CPSF2: variants seen among roughly 807,000 people sequenced by gnomAD.
CPSF2 encodes the protein cleavage and polyadenylation specificity factor subunit 2.
CPSF2 carries 51 observed loss-of-function variants against 84.2 expected under a neutral mutation model. That is an observed-to-expected ratio of 0.61 (90% CI 0.48 to 0.77). The LOEUF is 0.77. CPSF2 is among the 30% of genes least tolerant of loss of function. The pLI, the probability that CPSF2 is intolerant of heterozygous loss-of-function variation, is 0.00. For synonymous variants in CPSF2, 286 were observed against 311.9 expected (o/e 0.92, Z 0.87); for missense variants, 641 against 929.4 (o/e 0.69, Z 4.03).
intron 7 of CPSF2, among the ~76,000 whole-genome samples, chr14:92,140,703 A>AT (rs34400706): frequency 0.16 from 24,741 of 151,788 alleles, 2,257 homozygotes; most frequent in East Asian, 0.4. Flanking sequence ...AAGTGCTGGG[A>AT]TTATAGGTGT....
At position 92,156,529 on chromosome 14, in the gene CPSF2, GC is replaced by G; in HGVS notation, c.1494del (p.Ser498ArgfsTer3). ...CTTCAAGCTACTGAAGAAGAAAAAA[GC>G]AAATTAGAATCTGGTTTGACAAATG... is the stretch of plus-strand genomic sequence containing the variant. ...PELQATEEEK[S>X]KLESGLTNGD... is the part of the protein sequence containing the mutation. On this transcript the variant is annotated frameshift_variant, in exon 12 of 16. Transcript: ENST00000298875. LOFTEE classifies it high-confidence loss of function. 6.2e-7 allele frequency: 1 copy of G among 1,613,148 alleles called. No individual in the cohort carries two copies. Among genetic ancestry groups the G allele is most frequent in the Non-Finnish European group, 8.5e-7 (1 of 1,179,604 alleles).
chr14:92,130,086 T>G (rs1007173074), intron 2 of CPSF2, among the ~76,000 whole-genome samples: 1 of 152,224 alleles, frequency 6.6e-6, no homozygotes, highest in Non-Finnish European at 1.5e-5. Flanking sequence ...GAAATATATG[T>G]AGTAGGCATC....
rs926463842 is a variant in CPSF2 at position 92,172,005 on chromosome 14, G to C, written c.*10261G>C. The C allele has an allele frequency of 6.6e-6, 1 of 151,972 alleles. No individual in the cohort carries two copies. Among genetic ancestry groups the C allele is most frequent in the African/African-American group, 2.4e-5 (1 of 41,344 alleles). 9.4% of individuals were successfully genotyped at this position (151,972 alleles called of 1,614,324 possible). A position where few individuals can be genotyped will look rare whatever the true frequency, so the allele number is the denominator to read the frequency against. ...AGGACCAAGTTTCCTCCCTTTCCTCGATCCATGACAGCACCTGCCAGTTGA... is the reference window on the plus strand; with the variant it reads ...AGGACCAAGTTTCCTCCCTTTCCTCCATCCATGACAGCACCTGCCAGTTGA... On this transcript the variant is annotated 3_prime_UTR_variant, in exon 16 of 16. Coordinates refer to ENST00000298875, the MANE Select transcript of CPSF2 (RefSeq NM_017437.3).
At chr14:92,143,329 G>C in intron 9 of CPSF2, 35 bp downstream of exon 9, 1 of 1,342,326 alleles carries the variant, frequency 7.4e-7, no homozygotes. Context: ...TCTTAAAACT[G>C]TTTGGGGGAT....
At chr14:92,161,557 A>G (rs2069372254) in intron 15 of CPSF2, 95 bp from the exon 16 acceptor site, 2 of 839,334 alleles carry the variant, frequency 2.4e-6, no homozygotes, top group Non-Finnish European at 3.6e-6. Flanking sequence ...GTCCTGACCA[A>G]TCATAAAGTA....
At position 92,157,934 on chromosome 14, in the gene CPSF2, C is replaced by A; in HGVS notation, c.1821+50C>A. On this transcript the variant is annotated intron_variant, in intron 13 of 15. Coordinates refer to ENST00000298875, the MANE Select transcript of CPSF2 (RefSeq NM_017437.3). The surrounding 1 kb of genome is among the most constrained non-coding windows in gnomAD (Gnocchi z 4.0). ...GAGTAGAAATAAGTACTTTTTGTTG[C>A]AGGTTAGGACAGATAACATTAGAAA... 1 of 1,244,760 alleles carries A rather than the reference C, an allele frequency of 8.0e-7. No individual in the cohort carries two copies. The highest frequency in any genetic ancestry group is 1.2e-5 in the South Asian group (1 of 82,832). 77.1% of individuals were successfully genotyped at this position (1,244,760 alleles called of 1,614,324 possible).
chr14:92,148,895 T>C (rs1002680233), intron 9 of CPSF2, among the ~76,000 whole-genome samples: 13 of 152,162 alleles, frequency 8.5e-5, no homozygotes, highest in Non-Finnish European at 1.5e-4. Context: ...TCTTGAACAA[T>C]GTAAGAAGAT....
At chr14:92,132,954 G>A (rs2068952021) in intron 3 of CPSF2, among the ~76,000 whole-genome samples, 2 of 151,900 alleles carry the variant, frequency 1.3e-5, no homozygotes, top group Non-Finnish European at 1.5e-5. Context: ...AGCCAGGTGT[G>A]GTGGTAGACA....
chr14:92,160,488 G>T (rs1177870608), intron 14 of CPSF2, among the ~76,000 whole-genome samples: 1 of 152,170 alleles, frequency 6.6e-6, no homozygotes, highest in Admixed American at 6.5e-5. Context: ...ATGAAATTAA[G>T]AATAGAGAGA....
In CPSF2 at chr14:92,170,906, A is replaced by G. The variant is rs2069509425; in HGVS notation, c.*9162A>G. 6.6e-6 allele frequency: 1 copy of G among 152,088 alleles called. No individual in the cohort carries two copies. Among genetic ancestry groups the G allele is most frequent in the African/African-American group, 2.4e-5 (1 of 41,424 alleles). 9.4% of individuals were successfully genotyped at this position (152,088 alleles called of 1,614,324 possible). On this transcript the variant is annotated 3_prime_UTR_variant, in exon 16 of 16. Coordinates refer to ENST00000298875, the MANE Select transcript of CPSF2 (RefSeq NM_017437.3). ...CACTGTTAGTATTTTCTCCACTTGT[A>G]TTTGTTTTTTGGTATAAACTTAAAA...
chr14:92,140,113 C>G (rs1330231900), intron 7 of CPSF2, among the ~76,000 whole-genome samples: 1 of 151,622 alleles, frequency 6.6e-6, no homozygotes, highest in Non-Finnish European at 1.5e-5. Flanking sequence ...GCCACTACGC[C>G]CAGCTAATTT....
In CPSF2 at chr14:92,157,642, A is replaced by G. The variant is rs376874810; in HGVS notation, c.1596-17A>G. The G allele has an allele frequency of 1.3e-6, 2 of 1,577,966 alleles. No homozygotes were observed. Among genetic ancestry groups the G allele is most frequent in the Non-Finnish European group, 1.7e-6 (2 of 1,149,746 alleles). On this transcript the variant is annotated splice_polypyrimidine_tract_variant and intron_variant, in intron 12 of 15. Coordinates refer to ENST00000298875, the MANE Select transcript of CPSF2 (RefSeq NM_017437.3). This position sits in a 1 kb window ranked among gnomAD's most constrained non-coding sequence, Gnocchi z 4.0. ...ATTATGAGAAAAGTAATCTTGAATA[A>G]TCATATCTAATTACAGAGCCCGGGT...
rs529447222 is a variant in CPSF2, at chr14:92,127,846, T to C, written c.-35+1666T>C. ...GTGTACATGCAGATAGGTTAATAGA[T>C]GTAGTATCTGGAAAATGAGAAATTA... On this transcript the variant is annotated intron_variant, in intron 2 of 15. Coordinates refer to ENST00000298875, the MANE Select transcript of CPSF2 (RefSeq NM_017437.3). Among the ~76,000 whole-genome samples the C allele has an allele frequency of 8.5e-5, 13 of 152,300 alleles. No homozygotes were observed. The South Asian group carries it at 2.7e-3, about 32-fold the overall frequency.
At chr14:92,155,078 A>G (rs747099604) in intron 10 of CPSF2, 45 bp from the exon 11 acceptor site, 23 of 1,227,446 alleles carry the variant, frequency 1.9e-5, no homozygotes, top group Non-Finnish European at 2.4e-5. Context: ...AATTTAAAAT[A>G]TCTTTGAAAC....
Position 92,164,755 on chromosome 14 carries a change from T to C in CPSF2, c.*3011T>C, listed in dbSNP as rs888577832. ...AAATCAATTTTTTAAGGTGAGCCAT[T>C]TGGCTTTTTTAAAAAATTGAGATTC... On this transcript the variant is annotated 3_prime_UTR_variant, in exon 16 of 16. Coordinates refer to ENST00000298875, the MANE Select transcript of CPSF2 (RefSeq NM_017437.3). 1 of 152,224 alleles carries C rather than the reference T, an allele frequency of 6.6e-6. No homozygotes were observed. The highest frequency in any genetic ancestry group is 2.4e-5 in the African/African-American group (1 of 41,460). The allele number at this position is 152,224 out of a possible 1,614,324, so 9.4% of individuals were successfully genotyped here.
intron 6 of CPSF2, 75 bp from the exon 7 acceptor site, chr14:92,138,157 T>A (rs2069024664): frequency 1.2e-5 from 8 of 671,088 alleles, no homozygotes; most frequent in Non-Finnish European, 1.9e-5. Flanking sequence ...AAGCTGCTTA[T>A]TTTTTAAGTA....
In CPSF2 at chr14:92,159,357, T is replaced by C. The variant is rs750599606; in HGVS notation, c.2121+75T>C. On this transcript the variant is annotated intron_variant, in intron 14 of 15. Coordinates refer to ENST00000298875, the MANE Select transcript of CPSF2 (RefSeq NM_017437.3). Reference sequence around the variant, plus strand: ...CTAGTTTTCATGTCTTTTGGTTTTTTTCCCCCCTTCTAAAACTAAGTGGGT... The same window carrying C: ...CTAGTTTTCATGTCTTTTGGTTTTTCTCCCCCCTTCTAAAACTAAGTGGGT... The C allele has an allele frequency of 1.8e-4, 227 of 1,262,980 alleles. 1 individual carries two copies. Among genetic ancestry groups the C allele is most frequent in the South Asian group, 1.2e-3 (80 of 67,470 alleles). The allele number at this position is 1,262,980 out of a possible 1,614,324, so 78.2% of individuals were successfully genotyped here.
chr14:92,141,815 C>T (rs1345518458), intron 7 of CPSF2, among the ~76,000 whole-genome samples: 3 of 152,084 alleles, frequency 2.0e-5, no homozygotes, highest in Non-Finnish European at 2.9e-5. Flanking sequence ...CAGGGTAGCC[C>T]GGAAACACCA....
chr14:92,170,763 C>G lies in CPSF2; in HGVS notation c.*9019C>G, dbSNP rs1334982285. The G allele has an allele frequency of 6.6e-6, 1 of 152,118 alleles. No homozygotes were observed. Among genetic ancestry groups the G allele is most frequent in the Non-Finnish European group, 1.5e-5 (1 of 68,022 alleles). 9.4% of individuals were successfully genotyped at this position (152,118 alleles called of 1,614,324 possible). On this transcript the variant is annotated 3_prime_UTR_variant, in exon 16 of 16. Coordinates refer to ENST00000298875, the MANE Select transcript of CPSF2 (RefSeq NM_017437.3). ...GGTTGTGAATTTTTGGCAGGAATAC[C>G]AGAGAGGTGATGCTGTCTTCTTCTC... is the stretch of plus-strand genomic sequence containing the variant.
Sources: gnomAD v4.1 joint callset for allele counts (sites outside exome capture counted in the v4.1 genomes callset) on GRCh38, gnomAD v4.1.1 for gene constraint, Gnocchi (gnomAD v3.1) non-coding constraint, MANE v1.5 for transcripts, NCBI Gene and HGNC (gene_info 2026-07-23, HGNC 2026-07-21) for gene names.